CDK14: variants seen among roughly 807,000 people sequenced by gnomAD.
The protein encoded by CDK14 is cyclin-dependent kinase 14.
In CDK14, 34 loss-of-function variants were observed where a neutral mutation model predicts 60.7. The observed-to-expected ratio is 0.56, with a 90% confidence interval of 0.43 to 0.75. CDK14 has a LOEUF of 0.75. Among genes scored for constraint, CDK14 ranks in the 30% least tolerant of loss-of-function variants. The pLI, the probability that CDK14 is intolerant of heterozygous loss-of-function variation, is 0.00. For missense variants in CDK14, 482 were observed against 564.1 expected, an observed-to-expected ratio of 0.85 and a Z score of 1.47; for synonymous variants, 197 against 203.7, an observed-to-expected ratio of 0.97 and a Z score of 0.28.
chr7:91,127,441 G>A (rs1367375537), intron 14 of CDK14, among the ~76,000 whole-genome samples: 3 of 152,110 alleles, frequency 2.0e-5, no homozygotes, highest in East Asian at 1.9e-4. Flanking sequence ...CTGCTAGTGT[G>A]GAAGACTAGC....
At chr7:90,989,825 G>A (rs1247201447) in intron 10 of CDK14, among the ~76,000 whole-genome samples, 3 of 152,112 alleles carry the variant, frequency 2.0e-5, no homozygotes, top group Non-Finnish European at 4.4e-5. Context: ...ATATTGTCTT[G>A]TAGCTGTAAC....
chr7:91,139,904 T>G (rs892348923), intron 14 of CDK14, among the ~76,000 whole-genome samples: 3 of 152,022 alleles, frequency 2.0e-5, no homozygotes, highest in Non-Finnish European at 4.4e-5. Context: ...TCCGTTCATT[T>G]CTTTCTTTCA....
intron 11 of CDK14, among the ~76,000 whole-genome samples, chr7:91,068,134 C>T (rs772509923): frequency 1.8e-4 from 28 of 152,178 alleles, no homozygotes; most frequent in Non-Finnish European, 3.8e-4. Context: ...AGACTATGCC[C>T]TTAAATTCCT....
At chr7:90,701,279 C>A (rs1801781110) in intron 2 of CDK14, among the ~76,000 whole-genome samples, 1 of 152,132 alleles carries the variant, frequency 6.6e-6, no homozygotes, top group African/African-American at 2.4e-5. Flanking sequence ...GGTACTGTGC[C>A]TAAAATTTGA....
Position 91,144,370 on chromosome 7 carries a change from A to C in CDK14, c.*28+26162A>C, listed in dbSNP as rs184271351. Among the ~76,000 whole-genome samples, 287 of 152,346 alleles carry C rather than the reference A, an allele frequency of 1.9e-3. 1 individual carries two copies. The highest frequency in any genetic ancestry group is 5.4e-3 in the African/African-American group (226 of 41,598). ...GCACAGTTGGTCTGAAAACATTTGC[A>C]ATTTCTACATAAGCATTTGTTTTTA... On this transcript the variant is annotated intron_variant, in intron 14 of 14. Transcript: ENST00000380050.
In CDK14 at chr7:91,094,434, T is replaced by C. The variant is rs192243050; in HGVS notation, c.1154+14954T>C. ...AGCGGTGGGGGAGAAGTGGTAATAG[T>C]GCAGTATGAAGTATCACTGGCTACA... is the stretch of plus-strand genomic sequence containing the variant. On this transcript the variant is annotated intron_variant, in intron 12 of 14. Transcript: ENST00000380050. 2.0e-4 allele frequency among the ~76,000 whole-genome samples: 31 copies of C among 152,254 alleles called. No individual in the cohort carries two copies. In the East Asian group the frequency reaches 5.8e-3, roughly 29 times the overall value.
At chr7:90,936,510 A>G (rs751881923) in intron 8 of CDK14, among the ~76,000 whole-genome samples, 2 of 152,220 alleles carry the variant, frequency 1.3e-5, no homozygotes, top group African/African-American at 2.4e-5. Context: ...GTGGTCTCCT[A>G]TAGCTTTTTA....
Position 90,596,712 on chromosome 7 carries a change from C to G in CDK14, c.85C>G (p.Arg29Gly). 1 of 1,611,084 alleles carries G rather than the reference C, an allele frequency of 6.2e-7. No individual in the cohort carries two copies. Among genetic ancestry groups the G allele is most frequent in the Non-Finnish European group, 8.5e-7 (1 of 1,178,544 alleles). The change falls in exon 1 of 15, where the codon CGC (arginine) becomes GGC (glycine). Residue 29 changes from arginine (R) to glycine (G), a missense_variant. Coordinates refer to ENST00000380050, the MANE Select transcript of CDK14 (RefSeq NM_001287135.2). ...LRRTLSESFS[R>G]IALKKDDTTF... is the part of the protein sequence containing the mutation. ...GAGAACTTTGTCGGAGAGTTTCAGT[C>G]GCATTGGTGAGTAGCGCGCTGCCCC...
At chr7:90,892,480 T>C (rs1182734180) in intron 6 of CDK14, among the ~76,000 whole-genome samples, 2 of 152,224 alleles carry the variant, frequency 1.3e-5, no homozygotes, top group African/African-American at 4.8e-5. Context: ...AAAATGCCTA[T>C]TAGTAAAATG....
chr7:90,836,502 A>G (rs773808694), intron 5 of CDK14, among the ~76,000 whole-genome samples: 1 of 152,112 alleles, frequency 6.6e-6, no homozygotes, highest in Non-Finnish European at 1.5e-5. Context: ...GAGCAATAAC[A>G]TGCTTGGAGC....
chr7:90,788,761 A>G (rs910112250), intron 4 of CDK14, among the ~76,000 whole-genome samples: 1 of 152,138 alleles, frequency 6.6e-6, no homozygotes, highest in Admixed American at 6.6e-5. Flanking sequence ...AGAGACATTC[A>G]AATTCTTTCA....
chr7:90,781,878 T>C (rs1432995999), intron 4 of CDK14, among the ~76,000 whole-genome samples: 2 of 152,194 alleles, frequency 1.3e-5, no homozygotes, highest in East Asian at 1.9e-4. Context: ...TCTTTTGTCT[T>C]AGGATTGACT....
At chr7:91,055,978 C>T (rs191369427) in intron 11 of CDK14, among the ~76,000 whole-genome samples, 3 of 152,100 alleles carry the variant, frequency 2.0e-5, no homozygotes, top group South Asian at 2.1e-4. Flanking sequence ...AAATTAATGC[C>T]GGCAAGTATA....
intron 2 of CDK14, among the ~76,000 whole-genome samples, chr7:90,612,587 C>T (rs551382901): frequency 4.6e-5 from 7 of 152,156 alleles, no homozygotes; most frequent in South Asian, 2.1e-4. Context: ...GCCTGGCCAA[C>T]GTGGTGAAAC....
At chr7:90,903,304 A>G (rs918095178) in intron 7 of CDK14, among the ~76,000 whole-genome samples, 6 of 152,190 alleles carry the variant, frequency 3.9e-5, no homozygotes, top group African/African-American at 1.4e-4. Context: ...AAAGATATGG[A>G]ATCAATCTAA....
At position 91,140,260 on chromosome 7, in the gene CDK14, A is replaced by G. The variant is rs557510221; in HGVS notation, c.*28+22052A>G. On this transcript the variant is annotated intron_variant, in intron 14 of 14. Coordinates refer to ENST00000380050, the MANE Select transcript of CDK14 (RefSeq NM_001287135.2). Reference sequence around the variant, plus strand: ...ATAAGAAAACAAACTGACTTCCCTAAAAGTGCATTTTACATGACTTCCTTT... The same window carrying G: ...ATAAGAAAACAAACTGACTTCCCTAGAAGTGCATTTTACATGACTTCCTTT... Among the ~76,000 whole-genome samples, 291 of 152,302 alleles carry G rather than the reference A, an allele frequency of 1.9e-3. 1 individual carries two copies. Among genetic ancestry groups the G allele is most frequent in the African/African-American group, 6.7e-3 (277 of 41,560 alleles).
At position 91,090,676 on chromosome 7, in the gene CDK14, G is replaced by A. The variant is rs537952063; in HGVS notation, c.1154+11196G>A. ...TTATTTCTTTATTATATAGCTATAG[G>A]CTTAAATCCAAATCCTATGACTCTG... On this transcript the variant is annotated intron_variant, in intron 12 of 14. Transcript: ENST00000380050. 2.6e-5 allele frequency among the ~76,000 whole-genome samples: 4 copies of A among 152,202 alleles called. No homozygotes were observed. The South Asian group carries it at 8.3e-4, about 32-fold the overall frequency.
At chr7:91,160,817 A>G (rs1801148123) in intron 14 of CDK14, among the ~76,000 whole-genome samples, 1 of 152,190 alleles carries the variant, frequency 6.6e-6, no homozygotes. Flanking sequence ...TCACTACAAA[A>G]TAATACAATT....
chr7:91,206,367 T>G (rs559269285), intron 14 of CDK14, among the ~76,000 whole-genome samples: 1 of 152,276 alleles, frequency 6.6e-6, no homozygotes, highest in South Asian at 2.1e-4. Context: ...GCTTCTAAAC[T>G]TAGCTAAGGA....
Sources: gnomAD v4.1 joint callset for allele counts (sites outside exome capture counted in the v4.1 genomes callset) on GRCh38, gnomAD v4.1.1 for gene constraint, MANE v1.5 for transcripts, NCBI Gene and HGNC (gene_info 2026-07-23, HGNC 2026-07-21) for gene names.